DDX60L: variants seen among roughly 807,000 people sequenced by gnomAD.
DDX60L encodes the protein DExD/H-box 60 like, also known as probable ATP-dependent RNA helicase DDX60-like.
Under a neutral mutation model 211.6 loss-of-function variants are expected in DDX60L, and 191 were observed. That is an observed-to-expected ratio of 0.90 (90% CI 0.80 to 1.02). DDX60L has a LOEUF of 1.02. Ranked by LOEUF, DDX60L falls within the 50% of genes least tolerant of loss-of-function variation. The pLI is 0.00. For synonymous variants in DDX60L, 706 were observed against 694.1 expected (o/e 1.02, Z -0.27); for missense variants, 2,007 against 1,984.1 (o/e 1.01, Z -0.22).
rs1011476979 is a variant in DDX60L at position 168,461,685 on chromosome 4, T to C, written c.606+14A>G. The stretch of plus-strand genomic sequence containing the variant: ...AAGAAATCAGGAAAAAAATGAGTTA[T>C]TAATGTCAATTACCTCCTTGGAAAA... On this transcript the variant is annotated intron_variant, in intron 5 of 37. Transcript: ENST00000682922. 3.4e-6 allele frequency: 5 copies of C among 1,480,854 alleles called. No homozygotes were observed. Among genetic ancestry groups the C allele is most frequent in the Non-Finnish European group, 4.5e-6 (5 of 1,109,848 alleles). The allele number at this position is 1,480,854 out of a possible 1,614,324, so 91.7% of individuals were successfully genotyped here.
intron 5 of DDX60L, among the ~76,000 whole-genome samples, chr4:168,458,785 C>A (rs371150257): frequency 6.6e-6 from 1 of 152,156 alleles, no homozygotes; most frequent in Non-Finnish European, 1.5e-5. Context: ...GCATGTTCTG[C>A]GCATGTATCC....
chr4:168,386,627 A>T (rs1743931371), intron 29 of DDX60L, among the ~76,000 whole-genome samples: 1 of 151,382 alleles, frequency 6.6e-6, no homozygotes, highest in Admixed American at 6.6e-5. Context: ...GAACCTAAGT[A>T]ACTTAGCCAC....
intron 29 of DDX60L, among the ~76,000 whole-genome samples, chr4:168,386,014 G>A (rs1743803389): frequency 6.7e-6 from 1 of 148,868 alleles, no homozygotes; most frequent in East Asian, 1.9e-4. Context: ...GGGAGAAGGG[G>A]AGAGAGAGAG....
chr4:168,393,301 G>A (rs1194306386), intron 28 of DDX60L, among the ~76,000 whole-genome samples: 1 of 152,092 alleles, frequency 6.6e-6, no homozygotes, highest in Non-Finnish European at 1.5e-5. Flanking sequence ...TTTGAGACCA[G>A]CGTGGCCAAC....
At chr4:168,419,479 A>ATGC (rs1294825063) in intron 18 of DDX60L, 82 bp from the exon 19 acceptor site, 1 of 934,812 alleles carries the variant, frequency 1.1e-6, no homozygotes, top group Non-Finnish European at 1.6e-6. Flanking sequence ...CCTAGAAAAT[A>ATGC]TGCTGCTGCT....
chr4:168,447,163 A>G (rs1190815836), intron 9 of DDX60L, among the ~76,000 whole-genome samples: 1 of 146,284 alleles, frequency 6.8e-6, no homozygotes, highest in Non-Finnish European at 1.5e-5. Context: ...AGAATCTACA[A>G]TGAACTCAAA....
intron 22 of DDX60L, among the ~76,000 whole-genome samples, chr4:168,407,441 C>A (rs573230509): frequency 3.2e-4 from 48 of 152,150 alleles, no homozygotes; most frequent in Non-Finnish European, 5.3e-4. Flanking sequence ...TGGCTTCAAT[C>A]ACCACTTCTT....
Position 168,373,727 on chromosome 4 carries a change from G to C in DDX60L, c.4715C>G (p.Pro1572Arg). 6.2e-7 allele frequency: 1 copy of C among 1,614,006 alleles called. No homozygotes were observed. The highest frequency in any genetic ancestry group is 8.5e-7 in the Non-Finnish European group (1 of 1,179,898). The stretch of plus-strand genomic sequence containing the variant: ...TGTGTTCCCCGAAAGACAAACAAAT[G>C]GTGAAATGGCTACTCTTCCTTTCTT... ...SCKKGRVAIS[P>R]FVCLSGNTDN... Residue 1572 changes from proline to arginine, a missense_variant, in exon 35 of 38, where the codon CCA becomes CGA. Physicochemically the swap from Pro to Arg is moderately radical, Grantham distance 103 (BLOSUM62 -2). Transcript: ENST00000682922.
chr4:168,467,152 T>C (rs1361723020), intron 4 of DDX60L, among the ~76,000 whole-genome samples: 1 of 152,174 alleles, frequency 6.6e-6, no homozygotes, highest in Non-Finnish European at 1.5e-5. Context: ...CTCATGCCTG[T>C]AATCCCAACA....
rs746750986 is a variant in DDX60L, at chr4:168,441,497, A to C, written c.1139-5T>G. 1 of 1,582,714 alleles carries C rather than the reference A, an allele frequency of 6.3e-7. No homozygotes were observed. Among genetic ancestry groups the C allele is most frequent in the South Asian group, 1.2e-5 (1 of 86,250 alleles). On this transcript the variant is annotated splice_region_variant and splice_polypyrimidine_tract_variant and intron_variant, in intron 9 of 37. Coordinates refer to ENST00000682922, the MANE Select transcript of DDX60L (RefSeq NM_001012967.3). ...CTCCCAAATTCAAATGTGGTTCTGC[A>C]TAACAATAAAAAATATTAAAATCTC...
chr4:168,396,253 T>C (rs1745771694), intron 26 of DDX60L, 129 bp from the exon 27 acceptor site: 1 of 547,156 alleles, frequency 1.8e-6, no homozygotes, highest in Non-Finnish European at 3.1e-6. Flanking sequence ...AATCCTGACT[T>C]GGTCTCCCCT....
At chr4:168,475,773 G>A (rs1279030375) in intron 1 of DDX60L, among the ~76,000 whole-genome samples, 1 of 152,070 alleles carries the variant, frequency 6.6e-6, no homozygotes, top group Non-Finnish European at 1.5e-5. Context: ...ATTGGAGATG[G>A]GGGCTTCAGG....
In DDX60L at chr4:168,379,399, C is replaced by A. The variant is rs1742531028; in HGVS notation, c.4327G>T (p.Gly1443Cys). ...NLVFVNFLKR[G>C]LFHNLCKPAW... ...GGCTTACAGAGATTATGGAAAAGGC[C>A]TCTCTTGAGAAAATTTACAAAAACA... The change falls in exon 32 of 38, where the codon GGC becomes TGC. Residue 1443 changes from glycine (G) to cysteine (C), a missense_variant. Gly to Cys is a radical substitution (Grantham distance 159). Transcript: ENST00000682922. The A allele has an allele frequency of 2.5e-6, 4 of 1,599,864 alleles. No individual in the cohort carries two copies. In the South Asian group the frequency reaches 3.4e-5, roughly 14 times the overall value.
At chr4:168,359,968 A>G (rs1738825951) in intron 37 of DDX60L, among the ~76,000 whole-genome samples, 1 of 152,228 alleles carries the variant, frequency 6.6e-6, no homozygotes, top group African/African-American at 2.4e-5. Context: ...CTACTTAATT[A>G]TCCTAATTAA....
intron 36 of DDX60L, 164 bp from the exon 37 acceptor site, chr4:168,361,375 G>A: frequency 1.8e-5 from 9 of 492,346 alleles, no homozygotes; most frequent in East Asian, 6.7e-5. Context: ...GAGAGGCATA[G>A]GTAAAAACCA....
intron 7 of DDX60L, among the ~76,000 whole-genome samples, chr4:168,455,672 G>A (rs1449823879): frequency 6.6e-6 from 1 of 152,096 alleles, no homozygotes; most frequent in Non-Finnish European, 1.5e-5. Context: ...GCGTATAGTG[G>A]GGCCCCTCCT....
chr4:168,382,468 A>C (rs1180398478), intron 30 of DDX60L, among the ~76,000 whole-genome samples: 1 of 152,080 alleles, frequency 6.6e-6, no homozygotes, highest in Admixed American at 6.5e-5. Flanking sequence ...AAACTTTTAT[A>C]AACAGGTTAT....
intron 8 of DDX60L, 75 bp downstream of exon 8, chr4:168,453,049 T>C: frequency 7.2e-7 from 1 of 1,397,068 alleles, no homozygotes; most frequent in Non-Finnish European, 9.7e-7. Context: ...ATTATTCCAA[T>C]ATAACTCTAG....
intron 14 of DDX60L, among the ~76,000 whole-genome samples, chr4:168,424,872 C>T (rs935393667): frequency 2.6e-5 from 4 of 152,102 alleles, no homozygotes; most frequent in African/African-American, 7.2e-5. Flanking sequence ...TGGTTTGGTG[C>T]GGTTTTGTTA....
Sources: allele counts gnomAD v4.1 joint callset (sites outside exome capture counted in the v4.1 genomes callset), GRCh38; gene constraint gnomAD v4.1.1; transcripts MANE v1.5; gene names NCBI Gene and HGNC (gene_info 2026-07-23, HGNC 2026-07-21).